The following FMO1 variants were observed in gnomAD, a reference collection of about 807,000 sequenced individuals.
The protein encoded by FMO1 is flavin-containing monooxygenase 1.
A neutral mutation model predicts 45.4 loss-of-function variants in FMO1; 36 were observed. The ratio of observed to expected loss-of-function variants is 0.79; its 90% confidence interval spans 0.61 to 1.05. The LOEUF (loss-of-function observed/expected upper bound fraction) is 1.05. Ranked by LOEUF, FMO1 falls within the 50% of genes least tolerant of loss-of-function variation. The pLI is 0.00. For missense variants in FMO1, 615 were observed against 640.3 expected (o/e 0.96, Z 0.43); for synonymous variants, 228 against 227.2 (o/e 1.00, Z -0.03).
At chr1:171,274,535 C>G (rs879342277) in intron 3 of FMO1, among the ~76,000 whole-genome samples, 2 of 151,986 alleles carry the variant, frequency 1.3e-5, no homozygotes, top group Admixed American at 1.3e-4. Flanking sequence ...TTTAAACTAA[C>G]TGAAAATTTA....
chr1:171,278,648 A>G, intron 4 of FMO1, 81 bp from the exon 5 acceptor site: 1 of 1,080,906 alleles, frequency 9.3e-7, no homozygotes, highest in Non-Finnish European at 1.3e-6. Context: ...TGTCAAAAGA[A>G]TGTTATCAAC....
Position 171,282,091 on chromosome 1 carries a change from A to G in FMO1, c.941A>G (p.Asn314Ser). 6.2e-7 allele frequency: 1 copy of G among 1,613,892 alleles called. No individual in the cohort carries two copies. Among genetic ancestry groups the G allele is most frequent in the Non-Finnish European group, 8.5e-7 (1 of 1,179,830 alleles). ...GTAAAGGAAAACTCTGTCATATTTAACAATACTTCAAAGGAAGAGCCTATT... is the reference window on the plus strand; with the variant it reads ...GTAAAGGAAAACTCTGTCATATTTAGCAATACTTCAAAGGAAGAGCCTATT... ...KEVKENSVIF[N>S]NTSKEEPIDI... The change falls in exon 7 of 9, where the codon AAC (asparagine) becomes AGC (serine). Residue 314 changes from asparagine (N) to serine (S), a missense_variant. Coordinates refer to ENST00000617670, the MANE Select transcript of FMO1 (RefSeq NM_001282693.2).
At chr1:171,268,424 C>T (rs1341769744) in intron 3 of FMO1, among the ~76,000 whole-genome samples, 1 of 152,096 alleles carries the variant, frequency 6.6e-6, no homozygotes, top group East Asian at 1.9e-4. Context: ...GGAATGGACA[C>T]GTGCAGTGGC....
In FMO1 at chr1:171,271,529, C is replaced by T. The variant is rs543889044; in HGVS notation, c.321+3798C>T. 5.9e-6 allele frequency: 5 copies of T among 847,756 alleles called. No individual in the cohort carries two copies. The East Asian group carries it at 1.2e-4, about 20-fold the overall frequency. 52.5% of individuals were successfully genotyped at this position (847,756 alleles called of 1,614,324 possible). A position where few individuals can be genotyped will look rare whatever the true frequency, so the allele number is the denominator to read the frequency against. On this transcript the variant is annotated intron_variant, in intron 3 of 8. Transcript: ENST00000617670. The stretch of plus-strand genomic sequence containing the variant: ...TCTTATGCTCTTCCCGACAAGTTTG[C>T]ACAAAAAATGCATATGATGACATTT...
intron 7 of FMO1, 186 bp downstream of exon 7, chr1:171,282,519 A>G: frequency 4.0e-6 from 2 of 495,080 alleles, no homozygotes; most frequent in Non-Finnish European, 7.1e-6. Context: ...CATAAATGGT[A>G]TATCAGGGTC....
intron 1 of FMO1, among the ~76,000 whole-genome samples, chr1:171,255,433 C>T (rs1660105943): frequency 6.6e-6 from 1 of 152,226 alleles, no homozygotes; most frequent in Admixed American, 6.5e-5. Context: ...ACAGCTAGCT[C>T]ACAGCAGATC....
chr1:171,251,981 C>G (rs1265803331), intron 1 of FMO1, among the ~76,000 whole-genome samples: 3 of 152,060 alleles, frequency 2.0e-5, no homozygotes, highest in African/African-American at 7.2e-5. Flanking sequence ...AAATCGCACT[C>G]CAATAAACAG....
chr1:171,280,661 G>A, intron 5 of FMO1, 125 bp from the exon 6 acceptor site: 1 of 704,234 alleles, frequency 1.4e-6, no homozygotes, highest in South Asian at 1.7e-5. Flanking sequence ...ATCTTGTCAG[G>A]GGTGTATTTT....
chr1:171,254,678 C>T (rs187896091), intron 1 of FMO1, among the ~76,000 whole-genome samples: 23 of 152,272 alleles, frequency 1.5e-4, no homozygotes, highest in African/African-American at 5.1e-4. Context: ...ACTGTGGGGT[C>T]AGGCAGCTTC....
chr1:171,278,651 T>C (rs552713004), intron 4 of FMO1, 78 bp from the exon 5 acceptor site: 2 of 1,120,520 alleles, frequency 1.8e-6, no homozygotes, highest in African/African-American at 3.2e-5. Context: ...CAAAAGAATG[T>C]TATCAACTGA....
chr1:171,284,891 T>G (rs977634107), intron 8 of FMO1, among the ~76,000 whole-genome samples: 1 of 152,074 alleles, frequency 6.6e-6, no homozygotes, highest in Non-Finnish European at 1.5e-5. Context: ...TAATGGAATT[T>G]TATAAAGATT....
At chr1:171,275,199 G>T (rs544424058) in intron 3 of FMO1, 147 bp from the exon 4 acceptor site, 1 of 568,626 alleles carries the variant, frequency 1.8e-6, no homozygotes, top group African/African-American at 1.9e-5. Flanking sequence ...TGATTAGTCC[G>T]GTAACCTGAT....
At position 171,285,638 on chromosome 1, in the gene FMO1, TATTCAAATA is replaced by T; in HGVS notation, c.*95_*103del. 1 of 737,934 alleles carries T rather than the reference TATTCAAATA, an allele frequency of 1.4e-6. No individual in the cohort carries two copies. The highest frequency in any genetic ancestry group is 2.0e-6 in the Non-Finnish European group (1 of 494,520). 45.7% of individuals were successfully genotyped at this position (737,934 alleles called of 1,614,324 possible). On this transcript the variant is annotated 3_prime_UTR_variant, in exon 9 of 9. Transcript: ENST00000617670. The stretch of plus-strand genomic sequence containing the variant: ...ATATTGCCTTCACAGTTATAAACTG[TATTCAAATA>T]GTAAAGGCCACCCTCTCGCTTCCCT...
At chr1:171,276,659 G>C (rs779396684) in intron 4 of FMO1, among the ~76,000 whole-genome samples, 1 of 152,126 alleles carries the variant, frequency 6.6e-6, no homozygotes, top group South Asian at 2.1e-4. Flanking sequence ...GGTGAATAAG[G>C]CAACATGTAA....
At chr1:171,277,431 T>A (rs1661155234) in intron 4 of FMO1, among the ~76,000 whole-genome samples, 1 of 152,162 alleles carries the variant, frequency 6.6e-6, no homozygotes, top group Non-Finnish European at 1.5e-5. Flanking sequence ...TTTTTCTTTT[T>A]TATATTATAA....
chr1:171,267,548 T>C lies in FMO1; in HGVS notation c.138T>C (p.His46=), dbSNP rs1311566302. Residue 46 remains histidine (H), a synonymous_variant, in exon 3 of 9, where the codon CAT becomes CAC. Transcript: ENST00000617670. ...DLGGLWRFTE[H]VEEGRASLYK... is the part of the protein sequence containing the mutation. ...TGTGTGCACTGTTTGTACAGGAACA[T>C]GTTGAAGAAGGCAGAGCCAGTCTCT... The C allele has an allele frequency of 6.3e-7, 1 of 1,599,530 alleles. No individual in the cohort carries two copies. The highest frequency in any genetic ancestry group is 1.1e-5 in the South Asian group (1 of 88,042).
chr1:171,250,813 C>T (rs114329198), intron 1 of FMO1, among the ~76,000 whole-genome samples: 128 of 152,122 alleles, frequency 8.4e-4, no homozygotes, highest in African/African-American at 2.9e-3. Context: ...ATTTAGTCAG[C>T]TTTACTGAGG....
chr1:171,272,552 C>A (rs573406940), intron 3 of FMO1, among the ~76,000 whole-genome samples: 99 of 152,332 alleles, frequency 6.5e-4, no homozygotes, highest in Non-Finnish European at 9.6e-4. Context: ...GAAGCTGTAC[C>A]CTGCAAAGCC....
At chr1:171,279,936 T>C (rs1661285366) in intron 5 of FMO1, among the ~76,000 whole-genome samples, 1 of 152,194 alleles carries the variant, frequency 6.6e-6, no homozygotes. Context: ...CCCTTTCTCT[T>C]CTATTACAAT....
Sources: allele counts gnomAD v4.1 joint callset (sites outside exome capture counted in the v4.1 genomes callset), GRCh38; gene constraint gnomAD v4.1.1; transcripts MANE v1.5; gene names NCBI Gene and HGNC (gene_info 2026-07-23, HGNC 2026-07-21).